The following PGM1 variants were observed in gnomAD, a reference collection of about 807,000 sequenced individuals.
PGM1 encodes phosphoglucomutase-1.
In PGM1, 52 loss-of-function variants were observed where a neutral mutation model predicts 55.6. The observed-to-expected ratio is 0.94, with a 90% CI of 0.75 to 1.18. The LOEUF (loss-of-function observed/expected upper bound fraction) is 1.18, where lower values mean the gene tolerates loss of function less well. Among genes scored for constraint, PGM1 ranks in the 50% most tolerant of loss-of-function variants. PGM1 has a pLI of 0.00. For missense variants in PGM1, 724 were observed against 729.3 expected (o/e 0.99, Z 0.08); for synonymous variants, 287 against 271.7 (o/e 1.06, Z -0.55).
chr1:63,623,411 C>T (rs781780709), intron 1 of PGM1: 1 of 1,585,526 alleles, frequency 6.3e-7, no homozygotes, highest in Non-Finnish European at 8.6e-7. Flanking sequence ...TTTGGAGTCC[C>T]TTGACTGCTT....
chr1:63,617,495 T>C (rs2100972111), intron 1 of PGM1, among the ~76,000 whole-genome samples: 1 of 151,938 alleles, frequency 6.6e-6, no homozygotes, highest in East Asian at 1.9e-4. Flanking sequence ...TCGCTTGAGA[T>C]GAGGAGTTCG....
In PGM1 at chr1:63,593,618, A is replaced by G. The variant is rs1289327903; in HGVS notation, c.130A>G (p.Ile44Val). ...NYAENFIQSI[I>V]STVEPAQRQE... is the part of the protein sequence containing the mutation. ...CGCGGAGAACTTCATCCAGAGTATC[A>G]TCTCCACCGTGGAGCCGGCGCAGCG... Residue 44 changes from isoleucine to valine, a missense_variant, in exon 1 of 11, where the codon ATC (isoleucine) becomes GTC (valine). Physicochemically the swap from Ile to Val is conservative, Grantham distance 29. Coordinates refer to ENST00000371084, the MANE Select transcript of PGM1 (RefSeq NM_002633.3). 3.1e-6 allele frequency: 5 copies of G among 1,612,946 alleles called. No individual in the cohort carries two copies. Among genetic ancestry groups the G allele is most frequent in the African/African-American group, 1.3e-5 (1 of 74,924 alleles).
rs778216306 is a variant in PGM1, at chr1:63,654,339, G to T, written c.1472G>T (p.Arg491Leu). Reference protein sequence around the residue: ...DGSISRNQGLRLIFTDGSRIV... With the variant: ...DGSISRNQGLLLIFTDGSRIV... ...TCTGCTTATCTTTTCCAGGGCTTGC[G>T]CCTCATTTTCACAGATGGTTCTCGA... The change falls in exon 10 of 11, where the codon CGC becomes CTC. Residue 491 changes from arginine to leucine, a missense_variant. Arg to Leu is a moderately radical substitution (Grantham distance 102). This residue lies in a region of PGM1 where 316 missense variants were observed against 313.1 expected (regional missense o/e 1.01). Coordinates refer to ENST00000371084, the MANE Select transcript of PGM1 (RefSeq NM_002633.3). 1 of 1,613,930 alleles carries T rather than the reference G, an allele frequency of 6.2e-7. No individual in the cohort carries two copies. Among genetic ancestry groups the T allele is most frequent in the Non-Finnish European group, 8.5e-7 (1 of 1,179,830 alleles).
Position 63,593,422 on chromosome 1 carries a change from A to C in PGM1, c.-67A>C. 1.9e-6 allele frequency: 3 copies of C among 1,607,144 alleles called. No homozygotes were observed. The East Asian group carries it at 6.7e-5, about 36-fold the overall frequency. Reference sequence around the variant, plus strand: ...CGTGCCCTCACCCCAGAGCAGCTGCAGCCTCAGCCGGCCGCCCCTCCGCCA... The same window carrying C: ...CGTGCCCTCACCCCAGAGCAGCTGCCGCCTCAGCCGGCCGCCCCTCCGCCA... On this transcript the variant is annotated 5_prime_UTR_variant, in exon 1 of 11. Transcript: ENST00000371084.
intron 7 of PGM1, among the ~76,000 whole-genome samples, chr1:63,642,920 T>A (rs1411632469): frequency 6.6e-6 from 1 of 152,196 alleles, no homozygotes; most frequent in Non-Finnish European, 1.5e-5. Flanking sequence ...GGATACTGAG[T>A]TAGACTCTGG....
rs1647958002 is a variant in PGM1, at chr1:63,593,993, C to G, written c.246+259C>G. The G allele has an allele frequency of 3.4e-6, 4 of 1,167,398 alleles. No individual in the cohort carries two copies. The East Asian group carries it at 1.4e-4, about 41-fold the overall frequency. The allele number at this position is 1,167,398 out of a possible 1,614,324, so 72.3% of individuals were successfully genotyped here. A position where few individuals can be genotyped will look rare whatever the true frequency, so the allele number is the denominator to read the frequency against. ...GGCGCCGGGAGGTGCGGGCGCGGAG[C>G]CTCCCAAGGTCACGCCCGACTCTCC... On this transcript the variant is annotated intron_variant, in intron 1 of 10. Transcript: ENST00000371084.
rs1291868802 is a variant in PGM1 at position 63,659,708 on chromosome 1, CCCCGGA to C, written c.*37_*42del. ...GGCCTGATGTGGTACGTCCCTCCAC[CCCCGGA>C]CCCATCCAAGTCATCTGATTGAAGA... is the stretch of plus-strand genomic sequence containing the variant. On this transcript the variant is annotated 3_prime_UTR_variant, in exon 11 of 11. Transcript: ENST00000371084. 1 of 1,477,888 alleles carries C rather than the reference CCCCGGA, an allele frequency of 6.8e-7. No homozygotes were observed. The highest frequency in any genetic ancestry group is 9.5e-7 in the Non-Finnish European group (1 of 1,055,818). The allele number at this position is 1,477,888 out of a possible 1,614,324, so 91.5% of individuals were successfully genotyped here.
rs183417386 is a variant in PGM1, at chr1:63,599,675, G to A, written c.246+5941G>A. Reference sequence around the variant, plus strand: ...TGTGGTTTCGGGCGCCTGTGGTCTCGGCTACTTGAGACACTGAGGTAGGAG... The same window carrying A: ...TGTGGTTTCGGGCGCCTGTGGTCTCAGCTACTTGAGACACTGAGGTAGGAG... On this transcript the variant is annotated intron_variant, in intron 1 of 10. Coordinates refer to ENST00000371084, the MANE Select transcript of PGM1 (RefSeq NM_002633.3). Among the ~76,000 whole-genome samples, 73 of 152,092 alleles carry A rather than the reference G, an allele frequency of 4.8e-4. 1 individual carries two copies. The highest frequency in any genetic ancestry group is 1.7e-3 in the African/African-American group (69 of 41,462).
intron 1 of PGM1, among the ~76,000 whole-genome samples, chr1:63,603,139 A>C (rs1648289980): frequency 6.6e-6 from 1 of 152,198 alleles, no homozygotes; most frequent in African/African-American, 2.4e-5. Flanking sequence ...ACTGCACTAA[A>C]AATGTACCTC....
chr1:63,654,452 A>T lies in PGM1; in HGVS notation c.1585A>T (p.Asn529Tyr), dbSNP rs750869853. Residue 529 changes from asparagine to tyrosine, a missense_variant, in exon 10 of 11, where the codon AAC (asparagine) becomes TAC (tyrosine). Asn to Tyr is a moderately radical substitution (Grantham distance 143, BLOSUM62 -2). Coordinates refer to ENST00000371084, the MANE Select transcript of PGM1 (RefSeq NM_002633.3). Reference protein sequence around the residue: ...DSYEKDVAKINQDPQVMLAPL... With the variant: ...DSYEKDVAKIYQDPQVMLAPL... Reference sequence around the variant, plus strand: ...CTATGAGAAGGACGTTGCCAAGATTAACCAGGACCCCCAGGTAACGCCCAG... The same window carrying T: ...CTATGAGAAGGACGTTGCCAAGATTTACCAGGACCCCCAGGTAACGCCCAG... The T allele has an allele frequency of 6.2e-7, 1 of 1,614,030 alleles. No homozygotes were observed. Among genetic ancestry groups the T allele is most frequent in the Non-Finnish European group, 8.5e-7 (1 of 1,179,920 alleles).
chr1:63,623,598 T>C (rs774795478), intron 1 of PGM1: 1 of 1,612,820 alleles, frequency 6.2e-7, no homozygotes. Flanking sequence ...AAACCTATTA[T>C]TTTGAGGAAA....
rs1380834904 is a variant in PGM1 at position 63,634,955 on chromosome 1, C to T, written c.809C>T (p.Ala270Val). 1 of 1,614,066 alleles carries T rather than the reference C, an allele frequency of 6.2e-7. No individual in the cohort carries two copies. Among genetic ancestry groups the T allele is most frequent in the Middle Eastern group, 1.7e-4 (1 of 6,008 alleles). Residue 270 changes from alanine to valine, a missense_variant, in exon 5 of 11, where the codon GCT (alanine) becomes GTT (valine). Ala to Val is a moderately conservative substitution (Grantham distance 64). Around this residue, in one of 3 missense-constraint regions of PGM1, gnomAD observed 379 missense variants for 357.5 expected, o/e 1.06. Coordinates refer to ENST00000371084, the MANE Select transcript of PGM1 (RefSeq NM_002633.3). ...HHPDPNLTYAADLVETMKSGE... is the reference protein window; with the variant it reads ...HHPDPNLTYAVDLVETMKSGE... The stretch of plus-strand genomic sequence containing the variant: ...CCTGACCCCAACCTCACCTATGCAG[C>T]TGACCTGGTGGAGACCATGAAGTCA...
At chr1:63,595,096 C>T (rs2100950249) in intron 1 of PGM1, among the ~76,000 whole-genome samples, 1 of 152,214 alleles carries the variant, frequency 6.6e-6, no homozygotes, top group Non-Finnish European at 1.5e-5. Flanking sequence ...GACTTATGCC[C>T]AATTCTTCTG....
At chr1:63,618,755 C>A (rs758502319) in intron 1 of PGM1, among the ~76,000 whole-genome samples, 69 of 152,266 alleles carry the variant, frequency 4.5e-4, no homozygotes, top group Non-Finnish European at 6.9e-4. Flanking sequence ...TGTGGAGGCA[C>A]CGAGTCCAGA....
At chr1:63,616,811 G>A (rs1296254016) in intron 1 of PGM1, among the ~76,000 whole-genome samples, 4 of 152,180 alleles carry the variant, frequency 2.6e-5, no homozygotes, top group African/African-American at 9.7e-5. Context: ...TTCTGACCTT[G>A]TACCTTCTTC....
intron 1 of PGM1, among the ~76,000 whole-genome samples, chr1:63,617,516 G>C (rs1648770170): frequency 6.6e-6 from 1 of 151,942 alleles, no homozygotes; most frequent in Admixed American, 6.6e-5. Flanking sequence ...AGACCAGCCT[G>C]TCCAACACAG....
chr1:63,613,752 C>T (rs1648632135), intron 1 of PGM1, among the ~76,000 whole-genome samples: 2 of 144,978 alleles, frequency 1.4e-5, no homozygotes, highest in South Asian at 2.2e-4. Flanking sequence ...CACCATTCAA[C>T]CATGACATCT....
chr1:63,621,288 A>G (rs533184524), intron 1 of PGM1, among the ~76,000 whole-genome samples: 41 of 151,916 alleles, frequency 2.7e-4, no homozygotes, highest in East Asian at 7.7e-4. Flanking sequence ...AGCAGAGACT[A>G]TGCTGGAGTG....
chr1:63,638,205 G>T lies in PGM1; in HGVS notation c.1029-480G>T, dbSNP rs536140701. ...TGACCAGAGAGCTGAATACTGGGCGGTCGGTCATCCTGGCTTTGTGACCTT... is the reference window on the plus strand; with the variant it reads ...TGACCAGAGAGCTGAATACTGGGCGTTCGGTCATCCTGGCTTTGTGACCTT... On this transcript the variant is annotated intron_variant, in intron 6 of 10. Coordinates refer to ENST00000371084, the MANE Select transcript of PGM1 (RefSeq NM_002633.3). 5.9e-5 allele frequency among the ~76,000 whole-genome samples: 9 copies of T among 152,284 alleles called. No individual in the cohort carries two copies. In the South Asian group the frequency reaches 1.9e-3, roughly 32 times the overall value.
Sources: gnomAD v4.1 joint callset for allele counts (sites outside exome capture counted in the v4.1 genomes callset) on GRCh38, gnomAD v4.1.1 for gene constraint, gnomAD v4.1.1 regional missense constraint, MANE v1.5 for transcripts, NCBI Gene and HGNC (gene_info 2026-07-23, HGNC 2026-07-21) for gene names.